C9orf85: variants seen among roughly 807,000 people sequenced by gnomAD.
C9orf85 encodes uncharacterized protein C9orf85.
In C9orf85, 16 loss-of-function variants were observed where a neutral mutation model predicts 14.9. The ratio of observed to expected loss-of-function variants is 1.08; its 90% CI spans 0.73 to 1.63. C9orf85 has a LOEUF of 1.63. Among genes scored for constraint, C9orf85 ranks in the 40% most tolerant of loss-of-function variants. The pLI, the probability that C9orf85 is intolerant of heterozygous loss-of-function variation, is 0.00. For synonymous variants in C9orf85, 45 were observed against 56.8 expected (o/e 0.79, Z 0.93); for missense variants, 172 against 186.1 (o/e 0.92, Z 0.44).
At chr9:71,937,798 C>T (rs1372648023) in intron 1 of C9orf85, among the ~76,000 whole-genome samples, 1 of 152,060 alleles carries the variant, frequency 6.6e-6, no homozygotes, top group African/African-American at 2.4e-5. Context: ...TCAAATATTA[C>T]TGAAATATTG....
At chr9:71,971,000 C>T (rs1045127526) in intron 2 of C9orf85, among the ~76,000 whole-genome samples, 1 of 152,012 alleles carries the variant, frequency 6.6e-6, no homozygotes, top group African/African-American at 2.4e-5. Flanking sequence ...GGTGATCTGC[C>T]CGCCTCAGCC....
At chr9:71,914,089 A>G (rs538478884) in intron 1 of C9orf85, among the ~76,000 whole-genome samples, 3 of 152,202 alleles carry the variant, frequency 2.0e-5, no homozygotes, top group Non-Finnish European at 4.4e-5. Flanking sequence ...TGCATCTGCT[A>G]TGAGTAGCCA....
chr9:71,966,253 G>A (rs1170065891), intron 2 of C9orf85, among the ~76,000 whole-genome samples: 1 of 152,112 alleles, frequency 6.6e-6, no homozygotes, highest in Non-Finnish European at 1.5e-5. Flanking sequence ...GATTCTGGGG[G>A]CTGCCTGATT....
chr9:71,925,469 A>G (rs949870092), intron 1 of C9orf85, among the ~76,000 whole-genome samples: 1 of 152,248 alleles, frequency 6.6e-6, no homozygotes, highest in Non-Finnish European at 1.5e-5. Context: ...AGAAAAAGAA[A>G]GAAAAAAAGA....
intron 1 of C9orf85, among the ~76,000 whole-genome samples, chr9:71,944,417 T>C (rs1822028878): frequency 6.6e-6 from 1 of 152,082 alleles, no homozygotes. Context: ...ACTGAAGATT[T>C]TTTTTTTCTT....
chr9:71,948,545 A>G (rs903951195), intron 2 of C9orf85, among the ~76,000 whole-genome samples: 3 of 151,946 alleles, frequency 2.0e-5, no homozygotes, highest in Admixed American at 2.0e-4. Flanking sequence ...ATTTTGAGAT[A>G]GGGTCTCACT....
At chr9:71,976,513 T>TTAGCC (rs1399693688), downstream of C9orf85, among the ~76,000 whole-genome samples, 4 of 152,016 alleles carry the variant, frequency 2.6e-5, no homozygotes. Context: ...ATACAAAAAA[T>TTAGCC]TAGCCGGGCG....
intron 2 of C9orf85, among the ~76,000 whole-genome samples, chr9:71,952,972 C>G (rs1424736769): frequency 1.3e-5 from 2 of 152,000 alleles, no homozygotes; most frequent in Non-Finnish European, 2.9e-5. Flanking sequence ...GCACAGTCCT[C>G]AAACAGATTG....
intron 1 of C9orf85, 59 bp downstream of exon 1, chr9:71,911,895 G>A: frequency 1.3e-6 from 2 of 1,489,452 alleles, no homozygotes; most frequent in African/African-American, 1.4e-5. Flanking sequence ...CACTGGAGAG[G>A]GGAGAGAGGA....
intron 2 of C9orf85, among the ~76,000 whole-genome samples, chr9:71,952,201 C>CAT (rs1822261202): frequency 1.3e-5 from 2 of 152,290 alleles, no homozygotes; most frequent in South Asian, 4.1e-4. Flanking sequence ...GATTTCTCAG[C>CAT]ATTGTATTAT....
chr9:71,950,375 TG>T (rs1265452174), intron 2 of C9orf85, among the ~76,000 whole-genome samples: 1 of 1,770 alleles, frequency 5.6e-4, no homozygotes, highest in East Asian at 0.12. Flanking sequence ...CTTTTGTCTT[TG>T]TTTTTTTTTG....
At chr9:71,934,153 G>T (rs1828134144) in intron 1 of C9orf85, among the ~76,000 whole-genome samples, 3 of 151,484 alleles carry the variant, frequency 2.0e-5, no homozygotes, top group African/African-American at 7.3e-5. Context: ...AGACCAGCCT[G>T]GCCAACATGG....
At chr9:71,982,540 A>T (rs1004957727) in intron 3 of C9orf85, 18 of 350,234 alleles carry the variant, frequency 5.1e-5, no homozygotes, top group Non-Finnish European at 7.0e-5. Context: ...GAGGCTCAAG[A>T]TCCTCGCCAA....
chr9:71,964,387 C>T (rs769105332), intron 2 of C9orf85, among the ~76,000 whole-genome samples: 52 of 152,148 alleles, frequency 3.4e-4, no homozygotes, highest in Non-Finnish European at 6.6e-4. Flanking sequence ...ATAAATCTTG[C>T]TGCTGCTCAC....
chr9:71,951,418 T>C (rs1413335603), intron 2 of C9orf85, among the ~76,000 whole-genome samples: 1 of 152,194 alleles, frequency 6.6e-6, no homozygotes, highest in East Asian at 1.9e-4. Context: ...CTTTAGGTCT[T>C]TATAGGAATA....
intron 1 of C9orf85, among the ~76,000 whole-genome samples, chr9:71,917,747 A>G (rs1433103378): frequency 6.6e-6 from 1 of 152,250 alleles, no homozygotes; most frequent in Non-Finnish European, 1.5e-5. Flanking sequence ...AGAAAGGCAC[A>G]AGAAAACTTT....
In C9orf85 at chr9:71,946,987, CTT is replaced by C; in HGVS notation, c.103-17_103-16del. 6.4e-7 allele frequency: 1 copy of C among 1,571,654 alleles called. No homozygotes were observed. The highest frequency in any genetic ancestry group is 8.7e-7 in the Non-Finnish European group (1 of 1,145,034). ...CTCACGCGTGAAATTCTCAATTTGTCTTTCTGTTTGTTTTTAAGAAAATTAAT... is the reference window on the plus strand; with the variant it reads ...CTCACGCGTGAAATTCTCAATTTGTCTCTGTTTGTTTTTAAGAAAATTAAT... On this transcript the variant is annotated splice_polypyrimidine_tract_variant and intron_variant, in intron 1 of 3. Transcript: ENST00000334731.
chr9:71,975,314 G>T (rs1822979217), downstream of C9orf85, among the ~76,000 whole-genome samples: 1 of 151,888 alleles, frequency 6.6e-6, no homozygotes, highest in African/African-American at 2.4e-5. Flanking sequence ...TGTGGTAGGT[G>T]CCTGCAATCC....
chr9:71,972,738 A>G lies in C9orf85; in HGVS notation c.370A>G (p.Ser124Gly). Residue 124 changes from serine (S) to glycine (G), a missense_variant, in exon 4 of 4, where the codon AGT becomes GGT. Coordinates refer to ENST00000334731, the MANE Select transcript of C9orf85 (RefSeq NM_182505.5). ...EKIEHTENNL[S>G]SNHRRSCRRN... ...AATAGAACATACTGAAAATAATCTAAGTTCCAACCATAGAAGAAGCTGCAG... is the reference window on the plus strand; with the variant it reads ...AATAGAACATACTGAAAATAATCTAGGTTCCAACCATAGAAGAAGCTGCAG... 6.2e-7 allele frequency: 1 copy of G among 1,605,564 alleles called. No individual in the cohort carries two copies. Among genetic ancestry groups the G allele is most frequent in the Non-Finnish European group, 8.5e-7 (1 of 1,173,320 alleles).
Sources: gnomAD v4.1 joint callset for allele counts (sites outside exome capture counted in the v4.1 genomes callset) on GRCh38, gnomAD v4.1.1 for gene constraint, MANE v1.5 for transcripts, NCBI Gene and HGNC (gene_info 2026-07-23, HGNC 2026-07-21) for gene names.